Variants in SALL4 observed in about 807,000 individuals in gnomAD.
SALL4 encodes the protein sal-like protein 4.
SALL4 carries 4 observed loss-of-function variants against 60.8 expected under a neutral mutation model. That is an observed-to-expected ratio of 0.07 (90% CI 0.03 to 0.15). The LOEUF (loss-of-function observed/expected upper bound fraction) is 0.15. Ranked by LOEUF, SALL4 falls within the 10% of genes least tolerant of loss-of-function variation. The pLI, the probability that SALL4 is intolerant of heterozygous loss-of-function variation, is 1.00. For synonymous variants in SALL4, 580 were observed against 574.9 expected (o/e 1.01, Z -0.13); for missense variants, 1,178 against 1,394.7 (o/e 0.84, Z 2.48).
rs2077975463 is a variant in SALL4 at position 51,784,374 on chromosome 20, C to T, written c.3053G>A (p.Gly1018Asp). ...ATCTGCACTGATACCCGACTGGGAG[C>T]CATCCATCTTGGAGACAGTGGCGTT... ...VNNATVSKMD[G>D]SQSGISADVE... The change falls in exon 4 of 4, where the codon GGC (glycine) becomes GAC (aspartate). Residue 1018 changes from glycine to aspartate, a missense_variant. This residue lies in a region of SALL4 where 174 missense variants were observed against 169.6 expected (regional missense o/e 1.03). Coordinates refer to ENST00000217086, the MANE Select transcript of SALL4 (RefSeq NM_020436.5). The T allele has an allele frequency of 3.7e-6, 6 of 1,614,198 alleles. No individual in the cohort carries two copies. Among genetic ancestry groups the T allele is most frequent in the Non-Finnish European group, 5.1e-6 (6 of 1,180,048 alleles).
intron 1 of SALL4, among the ~76,000 whole-genome samples, chr20:51,800,394 C>T (rs2078102438): frequency 6.6e-6 from 1 of 152,242 alleles, no homozygotes; most frequent in Non-Finnish European, 1.5e-5. Flanking sequence ...CAATAGCCAA[C>T]TCCCCTCCCT....
chr20:51,784,368 T>C lies in SALL4; in HGVS notation c.3059A>G (p.Gln1020Arg). Residue 1020 changes from glutamine to arginine, a missense_variant, in exon 4 of 4, where the codon CAG (glutamine) becomes CGG (arginine). Physicochemically the swap from Gln to Arg is conservative, Grantham distance 43. Transcript: ENST00000217086. ...TTCCACATCTGCACTGATACCCGAC[T>C]GGGAGCCATCCATCTTGGAGACAGT... ...NATVSKMDGS[Q>R]SGISADVEKP... is the part of the protein sequence containing the mutation. The C allele has an allele frequency of 3.7e-6, 6 of 1,614,190 alleles. No homozygotes were observed. The highest frequency in any genetic ancestry group is 1.6e-4 in the Middle Eastern group (1 of 6,062).
At chr20:51,793,316 A>AT (rs1555851302) in intron 1 of SALL4, among the ~76,000 whole-genome samples, 2 of 150,548 alleles carry the variant, frequency 1.3e-5, no homozygotes, top group Non-Finnish European at 2.9e-5. Context: ...CCCCGTCTCT[A>AT]TAAAAAAAAT....
rs112471334 is a variant in SALL4 at position 51,801,923 on chromosome 20, G to T, written c.130+356C>A. ...GGGAGGGGGACCTAAGTTACAAGGG[G>T]GGGGGGTAACACCAGTGAGGGGAGT... On this transcript the variant is annotated intron_variant, in intron 1 of 3. Coordinates refer to ENST00000217086, the MANE Select transcript of SALL4 (RefSeq NM_020436.5). The surrounding 1 kb of genome is among the most constrained non-coding windows in gnomAD (Gnocchi z 5.2). Among the ~76,000 whole-genome samples, 17 of 151,812 alleles carry T rather than the reference G, an allele frequency of 1.1e-4. No individual in the cohort carries two copies. The highest frequency in any genetic ancestry group is 9.8e-4 in the East Asian group (5 of 5,098).
chr20:51,790,746 G>A lies in SALL4; in HGVS notation c.1737C>T (p.Ser579=). 6.2e-7 allele frequency: 1 copy of A among 1,614,162 alleles called. No homozygotes were observed. Among genetic ancestry groups the A allele is most frequent in the Non-Finnish European group, 8.5e-7 (1 of 1,180,038 alleles). The part of the protein sequence containing the change: ...LICHRVLSCQ[S]SLKMHYRTHT... The stretch of plus-strand genomic sequence containing the variant: ...GGGTGCGATAATGCATCTTGAGGGA[G>A]CTCTGACAGCTTAAGACTCGGTGGC... The change falls in exon 2 of 4, where the codon AGC becomes AGT. Residue 579 remains serine (S), a synonymous_variant. Coordinates refer to ENST00000217086, the MANE Select transcript of SALL4 (RefSeq NM_020436.5). This position sits in a 1 kb window ranked among gnomAD's most constrained non-coding sequence, Gnocchi z 5.5.
At position 51,789,128 on chromosome 20, in the gene SALL4, G is replaced by A. The variant is rs753922628; in HGVS notation, c.2475C>T (p.Leu825=). The change falls in exon 3 of 4, where the codon CTC becomes CTT. Residue 825 remains leucine (L), a synonymous_variant. Transcript: ENST00000217086. ...SRTEMEGRSS[L]PSTFIRAPPT... is the part of the protein sequence containing the mutation. Reference sequence around the variant, plus strand: ...GCGGGGCTCGGATAAACGTGGAAGGGAGACTGCTCCGACCTAGTACACAGA... The same window carrying A: ...GCGGGGCTCGGATAAACGTGGAAGGAAGACTGCTCCGACCTAGTACACAGA... 4 of 1,614,074 alleles carry A rather than the reference G, an allele frequency of 2.5e-6. 1 individual carries two copies. The African/African-American group carries it at 5.3e-5, about 22-fold the overall frequency.
chr20:51,786,374 G>C (rs543599128), intron 3 of SALL4, among the ~76,000 whole-genome samples: 2 of 151,694 alleles, frequency 1.3e-5, no homozygotes, highest in Non-Finnish European at 2.9e-5. Flanking sequence ...GATTACAGGC[G>C]TGAGCCACTG....
At chr20:51,789,913 A>T in intron 2 of SALL4, 109 bp downstream of exon 2, 1 of 1,364,228 alleles carries the variant, frequency 7.3e-7, no homozygotes, top group Non-Finnish European at 1.0e-6. Context: ...ATTGCCCTAT[A>T]GAAGGGGCTG....
rs2078106761 is a variant in SALL4, at chr20:51,801,079, A to T, written c.130+1200T>A. ...CAGGGAAATTAGAAAGCAGGCGGGG[A>T]GCGGAGCGACGAACAAGGCCGGAGA... On this transcript the variant is annotated intron_variant, in intron 1 of 3. Transcript: ENST00000217086. The surrounding 1 kb of genome is among the most constrained non-coding windows in gnomAD (Gnocchi z 5.2). Among the ~76,000 whole-genome samples, 1 of 151,896 alleles carries T rather than the reference A, an allele frequency of 6.6e-6. No homozygotes were observed. The highest frequency in any genetic ancestry group is 2.4e-5 in the African/African-American group (1 of 41,328).
chr20:51,790,098 G>A lies in SALL4; in HGVS notation c.2385C>T (p.Ala795=), dbSNP rs142446452. ...CGGGAGACTTTGACTTGATGCTTTC[G>A]GCTTGACTATTGGCCGGGGAGAGTG... ...FQALSPANSQ[A]ESIKSKSPDA... The change falls in exon 2 of 4, where the codon GCC becomes GCT. Residue 795 remains alanine (A), a synonymous_variant. Coordinates refer to ENST00000217086, the MANE Select transcript of SALL4 (RefSeq NM_020436.5). This position sits in a 1 kb window ranked among gnomAD's most constrained non-coding sequence, Gnocchi z 5.5. 49 of 1,613,994 alleles carry A rather than the reference G, an allele frequency of 3.0e-5. No individual in the cohort carries two copies. Among genetic ancestry groups the A allele is most frequent in the African/African-American group, 1.9e-4 (14 of 74,896 alleles).
chr20:51,782,808 G>A lies in SALL4; in HGVS notation c.*1457C>T, dbSNP rs1434264149. On this transcript the variant is annotated 3_prime_UTR_variant, in exon 4 of 4. Transcript: ENST00000217086. ...AAGGCATCACAAAATCATCTTGAACGTTCACCTCTTCCCACCAATACATCA... is the reference window on the plus strand; with the variant it reads ...AAGGCATCACAAAATCATCTTGAACATTCACCTCTTCCCACCAATACATCA... 2.0e-5 allele frequency: 3 copies of A among 151,092 alleles called. No homozygotes were observed. Among genetic ancestry groups the A allele is most frequent in the East Asian group, 1.9e-4 (1 of 5,174 alleles). The allele number at this position is 151,092 out of a possible 1,614,324, so 9.4% of individuals were successfully genotyped here. A position where few individuals can be genotyped will look rare whatever the true frequency, so the allele number is the denominator to read the frequency against.
intron 1 of SALL4, among the ~76,000 whole-genome samples, chr20:51,802,067 A>G (rs539990269): frequency 6.6e-6 from 1 of 151,934 alleles, no homozygotes; most frequent in East Asian, 1.9e-4. Flanking sequence ...TGAAACTTAC[A>G]CAAGAGGGGA....
rs13040028 is a variant in SALL4, at chr20:51,801,605, G to A, written c.130+674C>T. The stretch of plus-strand genomic sequence containing the variant: ...GCGGCGCAGCCCGGGCAGAAAAGGC[G>A]AAATCCAGAAAAGAAAAAAATTTTA... On this transcript the variant is annotated intron_variant, in intron 1 of 3. Transcript: ENST00000217086. The surrounding 1 kb of genome is among the most constrained non-coding windows in gnomAD (Gnocchi z 5.2). The A allele has an allele frequency of 0.093, 14,175 of 152,548 alleles. 868 individuals carry two copies. The highest frequency in any genetic ancestry group is 0.14 in the Non-Finnish European group (9,500 of 68,276). 9.4% of individuals were successfully genotyped at this position (152,548 alleles called of 1,614,324 possible). A position where few individuals can be genotyped will look rare whatever the true frequency, so the allele number is the denominator to read the frequency against.
rs1293440039 is a variant in SALL4 at position 51,801,602 on chromosome 20, G to C, written c.130+677C>G. The C allele has an allele frequency of 1.3e-5, 2 of 152,582 alleles. No individual in the cohort carries two copies. Among genetic ancestry groups the C allele is most frequent in the Non-Finnish European group, 2.9e-5 (2 of 68,368 alleles). The allele number at this position is 152,582 out of a possible 1,614,324, so 9.5% of individuals were successfully genotyped here. Reference sequence around the variant, plus strand: ...CAGGCGGCGCAGCCCGGGCAGAAAAGGCGAAATCCAGAAAAGAAAAAAATT... The same window carrying C: ...CAGGCGGCGCAGCCCGGGCAGAAAACGCGAAATCCAGAAAAGAAAAAAATT... On this transcript the variant is annotated intron_variant, in intron 1 of 3. Coordinates refer to ENST00000217086, the MANE Select transcript of SALL4 (RefSeq NM_020436.5). The surrounding 1 kb of genome is among the most constrained non-coding windows in gnomAD (Gnocchi z 5.2).
At chr20:51,797,881 G>A (rs2078087986) in intron 1 of SALL4, among the ~76,000 whole-genome samples, 1 of 152,098 alleles carries the variant, frequency 6.6e-6, no homozygotes, top group Non-Finnish European at 1.5e-5. Context: ...TCAAATTCTG[G>A]AGACACTGAA....
Position 51,791,784 on chromosome 20 carries a change from C to T in SALL4, c.699G>A (p.Glu233=), listed in dbSNP as rs2078044954. The change falls in exon 2 of 4, where the codon GAG becomes GAA. Residue 233 remains glutamate, a synonymous_variant. Coordinates refer to ENST00000217086, the MANE Select transcript of SALL4 (RefSeq NM_020436.5). This position sits in a 1 kb window ranked among gnomAD's most constrained non-coding sequence, Gnocchi z 4.6. The part of the protein sequence containing the change: ...QQQLQQIQLT[E]QIRIQVNMWA... ...ACATGTTCACCTGGATGCGGATCTG[C>T]TCGGTGAGCTGGATCTGCTGTAGCT... The T allele has an allele frequency of 1.2e-6, 2 of 1,614,092 alleles. No homozygotes were observed. Among genetic ancestry groups the T allele is most frequent in the Non-Finnish European group, 1.7e-6 (2 of 1,180,054 alleles).
rs781072707 is a variant in SALL4 at position 51,784,666 on chromosome 20, C to T, written c.2761G>A (p.Gly921Arg). ...GNLKVHYMTH[G>R]ANNNSARRGR... ...CGGCGGGCTGAGTTATTGTTCGCCC[C>T]GTGTGTCATGTAGTGAACCTATGGG... Residue 921 changes from glycine (G) to arginine (R), a missense_variant, in exon 4 of 4, where the codon GGG (glycine) becomes AGG (arginine). Gly to Arg is a moderately radical substitution (Grantham distance 125). Transcript: ENST00000217086. 11 of 1,614,048 alleles carry T rather than the reference C, an allele frequency of 6.8e-6. No homozygotes were observed. The highest frequency in any genetic ancestry group is 2.7e-5 in the African/African-American group (2 of 75,002).
Position 51,791,592 on chromosome 20 carries a change from G to C in SALL4, c.891C>G (p.Ala297=), listed in dbSNP as rs571505762. The C allele has an allele frequency of 3.1e-6, 5 of 1,613,580 alleles. No individual in the cohort carries two copies. In the South Asian group the frequency reaches 4.4e-5, roughly 14 times the overall value. ...GGGAGCTGGTGGCAGAAGGGATGTTGGCGTGAGGTAGCTTGGCTTGTTTCA... is the reference window on the plus strand; with the variant it reads ...GGGAGCTGGTGGCAGAAGGGATGTTCGCGTGAGGTAGCTTGGCTTGTTTCA... ...DALKQAKLPH[A]NIPSATSSLS... Residue 297 remains alanine, a synonymous_variant, in exon 2 of 4, where the codon GCC becomes GCG. Transcript: ENST00000217086. This position sits in a 1 kb window ranked among gnomAD's most constrained non-coding sequence, Gnocchi z 4.6.
At position 51,784,483 on chromosome 20, in the gene SALL4, C is replaced by T. The variant is rs778170676; in HGVS notation, c.2944G>A (p.Val982Met). Residue 982 changes from valine to methionine, a missense_variant, in exon 4 of 4, where the codon GTG becomes ATG. This residue lies in a region of SALL4 where 174 missense variants were observed against 169.6 expected (regional missense o/e 1.03). Coordinates refer to ENST00000217086, the MANE Select transcript of SALL4 (RefSeq NM_020436.5). The stretch of plus-strand genomic sequence containing the variant: ...ATCACAGAGATCTCATTGGTCTTCA[C>T]GGCCAGACCGCCATTGAGCATGCTG... ...YTSMLNGGLA[V>M]KTNEISVIQS... 4.3e-6 allele frequency: 7 copies of T among 1,614,172 alleles called. No individual in the cohort carries two copies. Among genetic ancestry groups the T allele is most frequent in the Middle Eastern group, 1.6e-4 (1 of 6,062 alleles).
Sources: allele counts gnomAD v4.1 joint callset (sites outside exome capture counted in the v4.1 genomes callset), GRCh38; gene constraint gnomAD v4.1.1; regional missense constraint gnomAD v4.1.1; non-coding constraint Gnocchi (gnomAD v3.1); transcripts MANE v1.5; gene names NCBI Gene and HGNC (gene_info 2026-07-23, HGNC 2026-07-21).